Variants in HSF2BP observed in about 807,000 individuals in gnomAD.
HSF2BP encodes heat shock transcription factor 2 binding protein, also known as heat shock factor 2-binding protein.
Under a neutral mutation model 35.0 loss-of-function variants are expected in HSF2BP, and 35 were observed. That is an observed-to-expected ratio of 1.00 (90% confidence interval 0.76 to 1.32). The LOEUF (loss-of-function observed/expected upper bound fraction) is 1.32, where lower values mean the gene tolerates loss of function less well. HSF2BP is among the 40% of genes most tolerant of loss of function. The probability of loss-of-function intolerance (pLI) is 0.00; values close to 1 mark genes in which losing one functional copy is unlikely to be tolerated. For synonymous variants in HSF2BP, 114 were observed against 117.4 expected (o/e 0.97, Z 0.18); for missense variants, 326 against 321.7 (o/e 1.01, Z -0.10).
At chr21:43,630,498 T>TTTAA (rs2082442339) in intron 5 of HSF2BP, 44 bp from the exon 6 acceptor site, 1 of 1,574,074 alleles carries the variant, frequency 6.4e-7, no homozygotes. Context: ...TTACAGACAC[T>TTTAA]AGTGTGAAAA....
At chr21:43,600,677 T>C (rs2082041266) in intron 7 of HSF2BP, among the ~76,000 whole-genome samples, 1 of 152,198 alleles carries the variant, frequency 6.6e-6, no homozygotes. Flanking sequence ...AATATCTGTA[T>C]GTCAATTTGT....
At chr21:43,644,236 G>GT (rs2082678221) in intron 4 of HSF2BP, 53 bp downstream of exon 4, 2 of 1,361,870 alleles carry the variant, frequency 1.5e-6, no homozygotes, top group Non-Finnish European at 2.1e-6. Flanking sequence ...GTGAAAGGCT[G>GT]TAAGCCAGCC....
At chr21:43,607,415 A>G (rs1568908321) in intron 7 of HSF2BP, among the ~76,000 whole-genome samples, 1 of 152,206 alleles carries the variant, frequency 6.6e-6, no homozygotes, top group Non-Finnish European at 1.5e-5. Flanking sequence ...CTCTTCAAGA[A>G]GAACTACAGA....
At chr21:43,613,982 T>C in intron 6 of HSF2BP, 35 bp from the exon 7 acceptor site, 1 of 1,444,558 alleles carries the variant, frequency 6.9e-7, no homozygotes, top group Non-Finnish European at 9.7e-7. Flanking sequence ...ATCAAGATCA[T>C]TATGACTCAG....
chr21:43,581,887 G>GGC (rs1568884356), intron 8 of HSF2BP, among the ~76,000 whole-genome samples: 55 of 80,096 alleles, frequency 6.9e-4, no homozygotes, highest in African/African-American at 2.2e-3. Context: ...GGGGATGAGG[G>GGC]CCTGCTGTGG....
chr21:43,651,083 A>G (rs1407064350), intron 3 of HSF2BP, among the ~76,000 whole-genome samples: 1 of 152,106 alleles, frequency 6.6e-6, no homozygotes, highest in Non-Finnish European at 1.5e-5. Flanking sequence ...ATGAAGTGAC[A>G]ATGGCCGAGC....
intron 2 of HSF2BP, 163 bp downstream of exon 2, chr21:43,657,898 C>T: frequency 1.0e-6 from 1 of 985,492 alleles, no homozygotes; most frequent in Middle Eastern, 5.2e-4. Flanking sequence ...CCCCAGGTCT[C>T]CACCCCGCTC....
At chr21:43,652,551 T>C (rs560470965) in intron 3 of HSF2BP, among the ~76,000 whole-genome samples, 2 of 152,296 alleles carry the variant, frequency 1.3e-5, no homozygotes, top group South Asian at 2.1e-4. Flanking sequence ...ATTTCCTCTG[T>C]AGAGCTCTAT....
At chr21:43,651,090 G>A (rs577170196) in intron 3 of HSF2BP, among the ~76,000 whole-genome samples, 26 of 152,162 alleles carry the variant, frequency 1.7e-4, no homozygotes, top group Non-Finnish European at 3.1e-4. Flanking sequence ...GACAATGGCC[G>A]AGCCAGAAGC....
chr21:43,605,469 C>T (rs547239472), intron 7 of HSF2BP, among the ~76,000 whole-genome samples: 266 of 144,628 alleles, frequency 1.8e-3, no homozygotes, highest in African/African-American at 6.3e-3. Context: ...AGCCCACACA[C>T]CCCCACACGC....
Position 43,659,145 on chromosome 21 carries a change from C to CA in HSF2BP, c.-225+240dup, listed in dbSNP as rs75734677. Among the ~76,000 whole-genome samples, 1,183 of 152,108 alleles carry CA rather than the reference C, an allele frequency of 7.8e-3. 7 individuals are homozygous for CA. Among genetic ancestry groups the CA allele is most frequent in the Non-Finnish European group, 9.5e-3 (649 of 68,002 alleles). On this transcript the variant is annotated intron_variant, in intron 1 of 8. Coordinates refer to ENST00000291560, the MANE Select transcript of HSF2BP (RefSeq NM_007031.2). The surrounding 1 kb of genome is among the most constrained non-coding windows in gnomAD (Gnocchi z 4.2). ...AGACACCGTCTCTACAAAAAAATAA[C>CA]AAATAGTGGGGCGTGATGGCGCGCG...
intron 8 of HSF2BP, among the ~76,000 whole-genome samples, chr21:43,576,890 G>A (rs1156529458): frequency 6.6e-6 from 1 of 152,178 alleles, no homozygotes; most frequent in African/African-American, 2.4e-5. Flanking sequence ...GCTAAACCAT[G>A]TGAAATTGTC....
At chr21:43,645,901 A>C (rs868853145) in intron 3 of HSF2BP, among the ~76,000 whole-genome samples, 9 of 152,190 alleles carry the variant, frequency 5.9e-5, no homozygotes, top group African/African-American at 1.2e-4. Flanking sequence ...AGGAAGGAAG[A>C]AAGCAAGCTA....
At chr21:43,647,290 G>A (rs376026592) in intron 3 of HSF2BP, among the ~76,000 whole-genome samples, 2 of 151,812 alleles carry the variant, frequency 1.3e-5, no homozygotes, top group African/African-American at 2.4e-5. Context: ...GCAGTGGCAC[G>A]ATCTCAGCTC....
intron 8 of HSF2BP, among the ~76,000 whole-genome samples, 185 bp downstream of exon 8, chr21:43,592,040 C>T (rs1188473480): frequency 6.6e-6 from 1 of 152,018 alleles, no homozygotes; most frequent in Admixed American, 6.6e-5. Context: ...AACCTCTATG[C>T]CTAATTATAA....
At chr21:43,595,871 T>C (rs1390547339) in intron 7 of HSF2BP, among the ~76,000 whole-genome samples, 16 of 150,424 alleles carry the variant, frequency 1.1e-4, no homozygotes, top group African/African-American at 1.2e-4. Context: ...ATTACAGGCA[T>C]ATGCCACCAC....
At chr21:43,620,047 G>A (rs953571608) in intron 6 of HSF2BP, among the ~76,000 whole-genome samples, 4 of 152,176 alleles carry the variant, frequency 2.6e-5, no homozygotes, top group African/African-American at 7.2e-5. Context: ...CTATAAAGAG[G>A]CAGCAACCTA....
intron 8 of HSF2BP, among the ~76,000 whole-genome samples, chr21:43,574,518 T>C (rs935568686): frequency 2.6e-5 from 4 of 151,988 alleles, no homozygotes; most frequent in South Asian, 2.1e-4. Flanking sequence ...CCACCACGCC[T>C]AGCTAATTTT....
chr21:43,635,591 G>A (rs906099016), intron 4 of HSF2BP, among the ~76,000 whole-genome samples: 5 of 151,880 alleles, frequency 3.3e-5, no homozygotes, highest in African/African-American at 7.3e-5. Context: ...TAAAACAACC[G>A]AATATTCATA....
Sources: allele counts gnomAD v4.1 joint callset (sites outside exome capture counted in the v4.1 genomes callset), GRCh38; gene constraint gnomAD v4.1.1; non-coding constraint Gnocchi (gnomAD v3.1); transcripts MANE v1.5; gene names NCBI Gene and HGNC (gene_info 2026-07-23, HGNC 2026-07-21).